Variants in NRG1 observed in about 807,000 individuals in gnomAD.
NRG1 encodes pro-neuregulin-1, membrane-bound isoform.
NRG1 carries 18 observed loss-of-function variants against 63.8 expected under a neutral mutation model. That is an observed-to-expected ratio of 0.28 (90% CI 0.19 to 0.42). The LOEUF (loss-of-function observed/expected upper bound fraction) is 0.42. NRG1 is among the 10% of genes least tolerant of loss of function. The pLI is 1.00. For missense variants in NRG1, 762 were observed against 814.7 expected (o/e 0.94, Z 0.79); for synonymous variants, 302 against 301.3 (o/e 1.00, Z -0.02).
intron 1 of NRG1, among the ~76,000 whole-genome samples, chr8:32,443,998 T>C (rs1819908469): frequency 6.6e-6 from 1 of 151,764 alleles, no homozygotes; most frequent in Non-Finnish European, 1.5e-5. Context: ...TCTTTCCTTT[T>C]TCCTTCCTTC....
intron 1 of NRG1, among the ~76,000 whole-genome samples, chr8:31,868,152 A>T (rs1416461462): frequency 6.6e-5 from 2 of 30,208 alleles, no homozygotes; most frequent in East Asian, 1.8e-3. Flanking sequence ...CATCTTACAC[A>T]CACACACACA....
chr8:32,269,512 G>T (rs527889839), intron 1 of NRG1, among the ~76,000 whole-genome samples: 1 of 152,230 alleles, frequency 6.6e-6, no homozygotes, highest in African/African-American at 2.4e-5. Flanking sequence ...TCTCACCACA[G>T]TCTAGAGCTT....
intron 1 of NRG1, among the ~76,000 whole-genome samples, chr8:32,020,365 T>C (rs1816235616): frequency 6.6e-6 from 1 of 152,226 alleles, no homozygotes; most frequent in Non-Finnish European, 1.5e-5. Flanking sequence ...GCAACCTTAC[T>C]AATTTCCCTT....
At chr8:32,678,246 T>A (rs1029021614) in intron 5 of NRG1, among the ~76,000 whole-genome samples, 1 of 152,174 alleles carries the variant, frequency 6.6e-6, no homozygotes, top group African/African-American at 2.4e-5. Flanking sequence ...GGATTTGTTT[T>A]CTTTCCGCTA....
chr8:31,778,187 C>T (rs775050754), intron 1 of NRG1, among the ~76,000 whole-genome samples: 3 of 152,142 alleles, frequency 2.0e-5, no homozygotes, highest in African/African-American at 4.8e-5. Flanking sequence ...AGCTGCCCTC[C>T]GAGGCAGAGG....
intron 1 of NRG1, among the ~76,000 whole-genome samples, chr8:32,164,657 A>T (rs933521773): frequency 1.3e-5 from 2 of 152,214 alleles, no homozygotes; most frequent in African/African-American, 4.8e-5. Flanking sequence ...CCATAAAAAG[A>T]GGTATTTTAG....
chr8:31,815,268 G>A (rs756650124), intron 1 of NRG1, among the ~76,000 whole-genome samples: 8 of 151,996 alleles, frequency 5.3e-5, no homozygotes, highest in Non-Finnish European at 1.0e-4. Flanking sequence ...CTTAAGCCCC[G>A]GGCACCACTA....
intron 1 of NRG1, among the ~76,000 whole-genome samples, chr8:32,108,547 A>C (rs1377379924): frequency 6.6e-6 from 1 of 152,142 alleles, no homozygotes; most frequent in East Asian, 1.9e-4. Context: ...CTAGGTTGGC[A>C]ACACCTGAAT....
intron 1 of NRG1, among the ~76,000 whole-genome samples, chr8:32,427,178 A>G (rs1011366683): frequency 3.9e-5 from 6 of 152,202 alleles, no homozygotes; most frequent in Admixed American, 6.5e-5. Context: ...TTAACTCTTT[A>G]AGCCCATAGA....
At chr8:32,412,881 A>G (rs1815309370) in intron 1 of NRG1, among the ~76,000 whole-genome samples, 1 of 152,170 alleles carries the variant, frequency 6.6e-6, no homozygotes, top group Non-Finnish European at 1.5e-5. Flanking sequence ...GTATATATAC[A>G]TTTACACTTA....
intron 1 of NRG1, among the ~76,000 whole-genome samples, chr8:31,946,244 T>A (rs2129621820): frequency 6.6e-6 from 1 of 152,356 alleles, no homozygotes; most frequent in Middle Eastern, 3.4e-3. Context: ...AGAAGCTATA[T>A]GTAACAATGT....
intron 1 of NRG1, among the ~76,000 whole-genome samples, chr8:32,539,790 GA>G (rs373795997): frequency 1.4e-4 from 21 of 146,908 alleles, no homozygotes; most frequent in South Asian, 4.3e-4. Flanking sequence ...GAAAGTTAAG[GA>G]AAAAAAAAAG....
intron 1 of NRG1, among the ~76,000 whole-genome samples, chr8:32,372,009 A>ATTTTTT (rs1808948450): frequency 1.0e-5 from 1 of 98,832 alleles, no homozygotes; most frequent in Non-Finnish European, 2.0e-5. Context: ...TTTTTTTTTT[A>ATTTTTT]AAAGGGTTGT....
At chr8:32,588,802 A>G (rs1487441483) in intron 1 of NRG1, among the ~76,000 whole-genome samples, 1 of 152,186 alleles carries the variant, frequency 6.6e-6, no homozygotes, top group Non-Finnish European at 1.5e-5. Flanking sequence ...AGAATATATT[A>G]TAACAAAATA....
chr8:32,512,863 G>GA (rs1829376119), intron 1 of NRG1, among the ~76,000 whole-genome samples: 1 of 152,078 alleles, frequency 6.6e-6, no homozygotes, highest in African/African-American at 2.4e-5. Context: ...TTTGTAACTT[G>GA]AAAACCACAA....
Position 31,872,859 on chromosome 8 carries a change from G to T in NRG1, c.37+233428G>T, listed in dbSNP as rs79897959. ...GTTGTGAATTTTCAAATACATCCAA[G>T]TATTTAATCATGGCCATTCATCATT... On this transcript the variant is annotated intron_variant, in intron 1 of 10. Transcript: ENST00000519301. Among the ~76,000 whole-genome samples the T allele has an allele frequency of 1.5e-3, 230 of 152,292 alleles. 1 individual carries two copies. The highest frequency in any genetic ancestry group is 5.3e-3 in the African/African-American group (222 of 41,554).
intron 5 of NRG1, among the ~76,000 whole-genome samples, chr8:32,642,719 A>G (rs1355612689): frequency 6.6e-6 from 1 of 152,246 alleles, no homozygotes; most frequent in East Asian, 1.9e-4. Context: ...CATGAAGTAA[A>G]TTCTACTCTT....
At chr8:32,388,248 A>G (rs527717344) in intron 1 of NRG1, among the ~76,000 whole-genome samples, 1 of 152,338 alleles carries the variant, frequency 6.6e-6, no homozygotes, top group African/African-American at 2.4e-5. Context: ...TGAATCAAGT[A>G]TACTTGAAGA....
At chr8:31,833,613 C>T (rs1267903387) in intron 1 of NRG1, among the ~76,000 whole-genome samples, 2 of 152,282 alleles carry the variant, frequency 1.3e-5, no homozygotes, top group East Asian at 1.9e-4. Flanking sequence ...AAGGAAAGAA[C>T]TATTGTTAGC....
Sources: gnomAD v4.1 joint callset for allele counts (sites outside exome capture counted in the v4.1 genomes callset) on GRCh38, gnomAD v4.1.1 for gene constraint, MANE v1.5 for transcripts, NCBI Gene and HGNC (gene_info 2026-07-23, HGNC 2026-07-21) for gene names.